Variants in CAST observed in about 807,000 individuals in gnomAD.
CAST encodes the protein MIR583 host.
Under a neutral mutation model 119.6 loss-of-function variants are expected in CAST, and 76 were observed. The ratio of observed to expected loss-of-function variants is 0.64; its 90% CI spans 0.53 to 0.77. The LOEUF is 0.77. CAST is among the 30% of genes least tolerant of loss of function. CAST has a pLI of 0.00. For synonymous variants in CAST, 319 were observed against 331.6 expected, an observed-to-expected ratio of 0.96 and a Z score of 0.41; for missense variants, 953 against 946.5, an observed-to-expected ratio of 1.01 and a Z score of -0.09.
chr5:96,561,207 TG>T (rs1016301721), intron 1 of CAST, among the ~76,000 whole-genome samples: 1 of 44,998 alleles, frequency 2.2e-5, no homozygotes, highest in Non-Finnish European at 4.5e-5. Context: ...TGTTGTGGGG[TG>T]GGGGGAGGGG....
At chr5:96,006,837 A>T in the CAST span, among the ~76,000 whole-genome samples, 2 of 152,140 alleles carry the variant, frequency 1.3e-5, no homozygotes, top group African/African-American at 4.8e-5. Flanking sequence ...ATTCTTTTTT[A>T]TATTTTATAT....
the CAST span, among the ~76,000 whole-genome samples, chr5:96,174,362 A>G: frequency 2.0e-5 from 3 of 152,216 alleles, no homozygotes; most frequent in Non-Finnish European, 2.9e-5. Context: ...CCATGAAACA[A>G]TCATTAGACA....
upstream of CAST, among the ~76,000 whole-genome samples, chr5:96,526,803 GT>G (rs1486287075): frequency 6.6e-6 from 1 of 152,218 alleles, no homozygotes; most frequent in African/African-American, 2.4e-5. Context: ...TTTTGCCAAG[GT>G]TGAGGACACA....
At chr5:96,412,848 G>T in the CAST span, 1 of 591,718 alleles carries the variant, frequency 1.7e-6, no homozygotes, top group Non-Finnish European at 2.2e-6. Context: ...ATCCTTGGAT[G>T]AGAGGAAGTG....
chr5:96,696,909 T>C (rs756154817), intron 3 of CAST, among the ~76,000 whole-genome samples: 39 of 151,826 alleles, frequency 2.6e-4, no homozygotes, highest in Non-Finnish European at 2.1e-4. Flanking sequence ...TTTTGATAAA[T>C]AAAATTGTTT....
chr5:96,253,352 G>T, the CAST span, among the ~76,000 whole-genome samples: 1 of 152,066 alleles, frequency 6.6e-6, no homozygotes, highest in African/African-American at 2.4e-5. Context: ...AGATCACCTG[G>T]GGAGCTTGCA....
the CAST span, among the ~76,000 whole-genome samples, chr5:96,464,671 A>T: frequency 6.6e-6 from 1 of 152,132 alleles, no homozygotes; most frequent in Non-Finnish European, 1.5e-5. Context: ...TCCTTTTTCA[A>T]ATGGCACTTT....
chr5:96,729,804 T>C (rs893029907), intron 8 of CAST, 79 bp downstream of exon 8: 11 of 731,660 alleles, frequency 1.5e-5, no homozygotes, highest in African/African-American at 1.2e-4. Context: ...CACTGAGGTG[T>C]GTAGTTCAAT....
At chr5:96,233,914 G>A in the CAST span, among the ~76,000 whole-genome samples, 46 of 151,940 alleles carry the variant, frequency 3.0e-4, no homozygotes, top group African/African-American at 9.7e-4. Flanking sequence ...TTCTAATGAC[G>A]TTGTAGATAA....
chr5:96,341,139 A>G, the CAST span, among the ~76,000 whole-genome samples: 1 of 152,226 alleles, frequency 6.6e-6, no homozygotes, highest in Non-Finnish European at 1.5e-5. Flanking sequence ...CATGTAAATA[A>G]TCATGATTCT....
chr5:95,978,933 C>G, the CAST span, among the ~76,000 whole-genome samples: 3 of 152,074 alleles, frequency 2.0e-5, no homozygotes, highest in African/African-American at 7.2e-5. Flanking sequence ...CTTAATTATG[C>G]TACTAAATGA....
chr5:96,701,677 T>C (rs1438204701), intron 3 of CAST, among the ~76,000 whole-genome samples: 1 of 151,864 alleles, frequency 6.6e-6, no homozygotes, highest in Admixed American at 6.6e-5. Context: ...TGGTGGTGCA[T>C]GCCTGTAATC....
the CAST span, among the ~76,000 whole-genome samples, chr5:96,442,333 C>T: frequency 8.5e-5 from 13 of 152,300 alleles, 1 homozygote; most frequent in East Asian, 2.1e-3. Flanking sequence ...GAGAACATTG[C>T]TTAGCCCATA....
At chr5:96,095,420 A>AG in the CAST span, among the ~76,000 whole-genome samples, 2 of 151,748 alleles carry the variant, frequency 1.3e-5, no homozygotes, top group Admixed American at 6.6e-5. Context: ...GAAAAAAAAA[A>AG]CAATTAGCCA....
chr5:96,054,076 AT>A, the CAST span, among the ~76,000 whole-genome samples: 11 of 152,066 alleles, frequency 7.2e-5, no homozygotes, highest in Non-Finnish European at 1.3e-4. Flanking sequence ...CTGTGTGGTG[AT>A]TCTAATAGAG....
At chr5:96,291,514 C>T in the CAST span, among the ~76,000 whole-genome samples, 1 of 151,982 alleles carries the variant, frequency 6.6e-6, no homozygotes, top group Admixed American at 6.6e-5. Flanking sequence ...GTCAAATGAC[C>T]AATAACTTTA....
At chr5:96,662,851 A>AT in intron 1 of CAST, 1 of 558,036 alleles carries the variant, frequency 1.8e-6, no homozygotes, top group Non-Finnish European at 3.2e-6. Flanking sequence ...GGACAGCGGG[A>AT]TGTAGTCTTC....
At chr5:96,070,634 G>C in the CAST span, among the ~76,000 whole-genome samples, 1 of 150,628 alleles carries the variant, frequency 6.6e-6, no homozygotes, top group Non-Finnish European at 1.5e-5. Context: ...AGATCTGTGG[G>C]ACAGAAAGAC....
intron 1 of CAST, among the ~76,000 whole-genome samples, chr5:96,586,538 G>A (rs1231147906): frequency 6.6e-6 from 1 of 152,216 alleles, no homozygotes; most frequent in African/African-American, 2.4e-5. Context: ...GAATCCAGGG[G>A]CTTAGCTGAA....
Sources: allele counts gnomAD v4.1 joint callset (sites outside exome capture counted in the v4.1 genomes callset), GRCh38; gene constraint gnomAD v4.1.1; transcripts MANE v1.5; gene names NCBI Gene and HGNC (gene_info 2026-07-23, HGNC 2026-07-21).